AGL: variants seen among roughly 807,000 people sequenced by gnomAD.
The protein encoded by AGL is glycogen debranching enzyme.
A neutral mutation model predicts 199.3 loss-of-function variants in AGL; 128 were observed. The observed-to-expected ratio is 0.64, with a 90% CI of 0.56 to 0.74. AGL has a LOEUF of 0.74. Ranked by LOEUF, AGL falls within the 30% of genes least tolerant of loss-of-function variation. The pLI is 0.00. For missense variants in AGL, 1,809 were observed against 1,820.8 expected (o/e 0.99, Z 0.12); for synonymous variants, 584 against 594.7 (o/e 0.98, Z 0.26).
intron 2 of AGL, chr1:99,852,572 C>T (rs1238027869): frequency 8.2e-6 from 5 of 607,076 alleles, no homozygotes; most frequent in Non-Finnish European, 1.5e-5. Flanking sequence ...AACTGGGTCT[C>T]ACTATGTTGC....
chr1:99,879,315 G>C (rs577250650), intron 12 of AGL, among the ~76,000 whole-genome samples: 5 of 152,222 alleles, frequency 3.3e-5, no homozygotes, highest in Admixed American at 1.3e-4. Context: ...GCCCAGGCAC[G>C]GTGGCTCACG....
At chr1:99,852,351 C>CTTTTTTTTTTTT (rs11363065) in intron 2 of AGL, among the ~76,000 whole-genome samples, 1 of 97,552 alleles carries the variant, frequency 1.0e-5, no homozygotes, top group African/African-American at 4.3e-5. Flanking sequence ...GCATTCATTT[C>CTTTTTTTTTTTT]TTTTTTTTTT....
intron 2 of AGL, among the ~76,000 whole-genome samples, chr1:99,853,735 C>T (rs1649164374): frequency 6.6e-6 from 1 of 151,964 alleles, no homozygotes; most frequent in African/African-American, 2.4e-5. Flanking sequence ...AAAAAAGAAA[C>T]AAAATTAGCT....
chr1:99,876,403 A>G (rs1570435689), intron 10 of AGL, 55 bp from the exon 11 acceptor site: 7 of 1,305,892 alleles, frequency 5.4e-6, no homozygotes, highest in Non-Finnish European at 7.4e-6. Flanking sequence ...GCAAATTTAT[A>G]TTCTCTCCAA....
At position 99,884,427 on chromosome 1, in the gene AGL, C is replaced by A. The variant is rs150441555; in HGVS notation, c.2522C>A (p.Ser841Tyr). The part of the protein sequence containing the change: ...YIQEIEFENL[S>Y]PGSVIIFRVS... ...CAAGAAATAGAATTTGAAAACTTGTCTCCAGGAAGTGTTATTATATTCAGG... is the reference window on the plus strand; with the variant it reads ...CAAGAAATAGAATTTGAAAACTTGTATCCAGGAAGTGTTATTATATTCAGG... The change falls in exon 19 of 34, where the codon TCT becomes TAT. Residue 841 changes from serine to tyrosine, a missense_variant. Coordinates refer to ENST00000361915, the MANE Select transcript of AGL (RefSeq NM_000642.3). The A allele has an allele frequency of 1.2e-6, 2 of 1,612,184 alleles. No individual in the cohort carries two copies. Among genetic ancestry groups the A allele is most frequent in the South Asian group, 1.1e-5 (1 of 91,000 alleles).
chr1:99,920,494 T>G (rs897346063), intron 33 of AGL, among the ~76,000 whole-genome samples: 2 of 152,208 alleles, frequency 1.3e-5, no homozygotes, highest in Non-Finnish European at 2.9e-5. Flanking sequence ...ATTCAACACA[T>G]TACAGATGCC....
In AGL at chr1:99,891,460, CTCCT is replaced by C. The variant is rs1468869286; in HGVS notation, c.2949+111_2949+114del. 2.0e-6 allele frequency: 3 copies of C among 1,510,550 alleles called. No individual in the cohort carries two copies. The African/African-American group carries it at 4.2e-5, about 21-fold the overall frequency. 93.6% of individuals were successfully genotyped at this position (1,510,550 alleles called of 1,614,324 possible). A position where few individuals can be genotyped will look rare whatever the true frequency, so the allele number is the denominator to read the frequency against. On this transcript the variant is annotated intron_variant, in intron 22 of 33. Transcript: ENST00000361915. ...TTGTTTTCTAACCTGAACCATTTTC[CTCCT>C]TCCTTCATCATCTTTCAGTTATAAT...
rs1341108221 is a variant in AGL at position 99,924,014 on chromosome 1, A to G, written c.*2363A>G. 6.6e-6 allele frequency: 1 copy of G among 152,174 alleles called. No homozygotes were observed. Among genetic ancestry groups the G allele is most frequent in the Non-Finnish European group, 1.5e-5 (1 of 68,032 alleles). The allele number at this position is 152,174 out of a possible 1,614,324, so 9.4% of individuals were successfully genotyped here. On this transcript the variant is annotated 3_prime_UTR_variant, in exon 34 of 34. Coordinates refer to ENST00000361915, the MANE Select transcript of AGL (RefSeq NM_000642.3). Reference sequence around the variant, plus strand: ...TGTTAAGAAAATAAAAATATTTTCTAAAGGTCTGTATTTTGCTTTCATTCA... The same window carrying G: ...TGTTAAGAAAATAAAAATATTTTCTGAAGGTCTGTATTTTGCTTTCATTCA...
rs559986437 is a variant in AGL at position 99,923,324 on chromosome 1, A to G, written c.*1673A>G. On this transcript the variant is annotated 3_prime_UTR_variant, in exon 34 of 34. Coordinates refer to ENST00000361915, the MANE Select transcript of AGL (RefSeq NM_000642.3). Reference sequence around the variant, plus strand: ...AGAACCATTAGTTTATCAAAGGTTTATGTAGTTTTGTTGCTGTACCCTAAC... The same window carrying G: ...AGAACCATTAGTTTATCAAAGGTTTGTGTAGTTTTGTTGCTGTACCCTAAC... 1 of 152,256 alleles carries G rather than the reference A, an allele frequency of 6.6e-6. No homozygotes were observed. The highest frequency in any genetic ancestry group is 2.1e-4 in the South Asian group (1 of 4,830). 9.4% of individuals were successfully genotyped at this position (152,256 alleles called of 1,614,324 possible).
rs1363875328 is a variant in AGL at position 99,870,877 on chromosome 1, A to G, written c.958+8A>G. On this transcript the variant is annotated splice_region_variant and intron_variant, in intron 7 of 33. Transcript: ENST00000361915. Reference sequence around the variant, plus strand: ...GAAGACTTCTTACACAAGGTAAAGGATACATACTAGAATGTTCCTATCGAT... The same window carrying G: ...GAAGACTTCTTACACAAGGTAAAGGGTACATACTAGAATGTTCCTATCGAT... 2.0e-6 allele frequency: 3 copies of G among 1,482,670 alleles called. No homozygotes were observed. Among genetic ancestry groups the G allele is most frequent in the Non-Finnish European group, 2.8e-6 (3 of 1,061,224 alleles). 91.8% of individuals were successfully genotyped at this position (1,482,670 alleles called of 1,614,324 possible). A position where few individuals can be genotyped will look rare whatever the true frequency, so the allele number is the denominator to read the frequency against.
chr1:99,900,109 T>C (rs1653705233), intron 25 of AGL, among the ~76,000 whole-genome samples: 1 of 151,918 alleles, frequency 6.6e-6, no homozygotes, highest in South Asian at 2.1e-4. Flanking sequence ...TTTGTATTTT[T>C]AGTAGAGACA....
intron 28 of AGL, among the ~76,000 whole-genome samples, chr1:99,912,022 A>G (rs1339839299): frequency 6.6e-6 from 1 of 152,152 alleles, no homozygotes; most frequent in Non-Finnish European, 1.5e-5. Context: ...TATTTTTCTT[A>G]AAAATGAGCT....
chr1:99,861,790 A>G (rs1650060674), intron 3 of AGL, 77 bp downstream of exon 3: 1 of 1,519,422 alleles, frequency 6.6e-7, no homozygotes, highest in South Asian at 1.1e-5. Context: ...TGTAAATGTT[A>G]CTGTATGAAC....
At chr1:99,882,306 A>T (rs1393744415) in intron 17 of AGL, among the ~76,000 whole-genome samples, 8 of 152,310 alleles carry the variant, frequency 5.3e-5, no homozygotes, top group Admixed American at 3.9e-4. Flanking sequence ...TTTCTCTTCT[A>T]GCAGAACAAT....
In AGL at chr1:99,881,571, G is replaced by C; in HGVS notation, c.2188G>C (p.Val730Leu). Residue 730 changes from valine to leucine, a missense_variant, in exon 17 of 34, where the codon GTG becomes CTG. Val to Leu is a conservative substitution (Grantham distance 32). Transcript: ENST00000361915. ...VYVDQVDEDI[V>L]AVTRHSPSIH... ...TGTGGATCAAGTTGATGAAGACATA[G>C]TGGCAGTAACAAGACACTCACCTAG... The C allele has an allele frequency of 6.2e-7, 1 of 1,613,950 alleles. No individual in the cohort carries two copies. The highest frequency in any genetic ancestry group is 8.5e-7 in the Non-Finnish European group (1 of 1,179,928).
In AGL at chr1:99,892,537, A is replaced by G. The variant is rs1189403762; in HGVS notation, c.3189A>G (p.Leu1063=). 1.2e-6 allele frequency: 2 copies of G among 1,613,612 alleles called. No homozygotes were observed. The highest frequency in any genetic ancestry group is 1.7e-6 in the Non-Finnish European group (2 of 1,179,664). The change falls in exon 24 of 34, where the codon CTA becomes CTG. Residue 1063 remains leucine (L), a synonymous_variant. Coordinates refer to ENST00000361915, the MANE Select transcript of AGL (RefSeq NM_000642.3). ...CCCTGCCAATTCTTTCACCTGCCCT[A>G]ATGGATGTACCTTATAGGTTAAATG... The part of the protein sequence containing the change: ...FPSLPILSPA[L]MDVPYRLNEI...
chr1:99,884,259 C>A lies in AGL; in HGVS notation c.2433+15C>A. On this transcript the variant is annotated intron_variant, in intron 18 of 33. Coordinates refer to ENST00000361915, the MANE Select transcript of AGL (RefSeq NM_000642.3). Reference sequence around the variant, plus strand: ...AACATATTCAGGTATTTGGGACTCTCATCTTACTACTGTGTTTAGCATTTT... The same window carrying A: ...AACATATTCAGGTATTTGGGACTCTAATCTTACTACTGTGTTTAGCATTTT... 2 of 1,612,338 alleles carry A rather than the reference C, an allele frequency of 1.2e-6. No homozygotes were observed. The highest frequency in any genetic ancestry group is 1.1e-5 in the South Asian group (1 of 91,018).
rs893204271 is a variant in AGL at position 99,923,428 on chromosome 1, A to C, written c.*1777A>C. 2 of 152,212 alleles carry C rather than the reference A, an allele frequency of 1.3e-5. No homozygotes were observed. Among genetic ancestry groups the C allele is most frequent in the African/African-American group, 4.8e-5 (2 of 41,468 alleles). The allele number at this position is 152,212 out of a possible 1,614,324, so 9.4% of individuals were successfully genotyped here. Reference sequence around the variant, plus strand: ...AGCAAGAAGTAATCGCTGACAGTTAAATGTGACCAAAAAAATTAAAAGTTC... The same window carrying C: ...AGCAAGAAGTAATCGCTGACAGTTACATGTGACCAAAAAAATTAAAAGTTC... On this transcript the variant is annotated 3_prime_UTR_variant, in exon 34 of 34. Coordinates refer to ENST00000361915, the MANE Select transcript of AGL (RefSeq NM_000642.3).
rs1038900078 is a variant in AGL, at chr1:99,865,015, G to A, written c.664+426G>A. On this transcript the variant is annotated intron_variant, in intron 5 of 33. Coordinates refer to ENST00000361915, the MANE Select transcript of AGL (RefSeq NM_000642.3). ...AGTTTTAATTTTCATGCTGTTTTAA[G>A]TAACATGACAAACTCTCATGCCATC... Among the ~76,000 whole-genome samples, 83 of 152,224 alleles carry A rather than the reference G, an allele frequency of 5.5e-4. 1 individual carries two copies. Among genetic ancestry groups the A allele is most frequent in the Admixed American group, 5.4e-3 (82 of 15,288 alleles).
Sources: gnomAD v4.1 joint callset for allele counts (sites outside exome capture counted in the v4.1 genomes callset) on GRCh38, gnomAD v4.1.1 for gene constraint, MANE v1.5 for transcripts, NCBI Gene and HGNC (gene_info 2026-07-23, HGNC 2026-07-21) for gene names.